The following SHANK1 variants were observed in gnomAD, a reference collection of about 807,000 sequenced individuals.
SHANK1 encodes SH3 and multiple ankyrin repeat domains protein 1.
SHANK1 carries 35 observed loss-of-function variants against 165.6 expected under a neutral mutation model. The observed-to-expected ratio is 0.21, with a 90% CI of 0.16 to 0.28. The LOEUF (loss-of-function observed/expected upper bound fraction) is 0.28, where lower values mean the gene tolerates loss of function less well. Among genes scored for constraint, SHANK1 ranks in the 10% least tolerant of loss-of-function variants. The probability of loss-of-function intolerance (pLI) is 1.00; values close to 1 mark genes in which losing one functional copy is unlikely to be tolerated. For synonymous variants in SHANK1, 1,428 were observed against 1,384.8 expected, an observed-to-expected ratio of 1.03 and a Z score of -0.69; for missense variants, 2,681 against 3,036.4, an observed-to-expected ratio of 0.88 and a Z score of 2.75.
At chr19:50,694,265 A>G (rs1043880961) in intron 15 of SHANK1, among the ~76,000 whole-genome samples, 2 of 151,492 alleles carry the variant, frequency 1.3e-5, no homozygotes, top group African/African-American at 4.9e-5. Flanking sequence ...TGACACACGC[A>G]CCGTCGCACA....
Position 50,667,836 on chromosome 19 carries a change from TG to T in SHANK1, c.4123del (p.Gln1375SerfsTer99). The T allele has an allele frequency of 7.7e-7, 1 of 1,292,786 alleles. No homozygotes were observed. The highest frequency in any genetic ancestry group is 9.8e-7 in the Non-Finnish European group (1 of 1,024,430). 80.1% of individuals were successfully genotyped at this position (1,292,786 alleles called of 1,614,324 possible). On this transcript the variant is annotated frameshift_variant, in exon 23 of 24. Coordinates refer to ENST00000293441, the MANE Select transcript of SHANK1 (RefSeq NM_016148.5). LOFTEE classifies it high-confidence loss of function. This position sits in a 1 kb window ranked among gnomAD's most constrained non-coding sequence, Gnocchi z 5.7. ...GGGCGATGGGGGCCTGGGAGGCGGCTGGGGGGCCCCGCCGCCCTCCGAGGAC... is the reference window on the plus strand; with the variant it reads ...GGGCGATGGGGGCCTGGGAGGCGGCTGGGGGCCCCGCCGCCCTCCGAGGAC... ...KESSEGGGAP[Q>X]PPPRPPSPRY...
chr19:50,667,396 T>G lies in SHANK1; in HGVS notation c.4564A>C (p.Ser1522Arg). Residue 1522 changes from serine to arginine, a missense_variant, in exon 23 of 24, where the codon AGC becomes CGC. Transcript: ENST00000293441. The surrounding 1 kb of genome is among the most constrained non-coding windows in gnomAD (Gnocchi z 5.7). ...SEDGPGVPPP[S>R]PRRSVPPSPT... Reference sequence around the variant, plus strand: ...GAGGGGGGCACGGACCGGCGTGGGCTGGGCGGCGGGACCCCCGGCCCGTCC... The same window carrying G: ...GAGGGGGGCACGGACCGGCGTGGGCGGGGCGGCGGGACCCCCGGCCCGTCC... The G allele has an allele frequency of 6.6e-7, 1 of 1,520,284 alleles. No individual in the cohort carries two copies. Among genetic ancestry groups the G allele is most frequent in the South Asian group, 1.3e-5 (1 of 78,898 alleles). 94.2% of individuals were successfully genotyped at this position (1,520,284 alleles called of 1,614,324 possible).
At position 50,705,155 on chromosome 19, in the gene SHANK1, A is replaced by G. The variant is rs1244493627; in HGVS notation, c.1078-641T>C. 2.0e-5 allele frequency among the ~76,000 whole-genome samples: 3 copies of G among 151,038 alleles called. No homozygotes were observed. The East Asian group carries it at 6.0e-4, about 30-fold the overall frequency. ...CAGGTATTTGAGCCCAGCCTGGCCA[A>G]CATGGTGAAACCCCGTCTCTATCAG... is the stretch of plus-strand genomic sequence containing the variant. On this transcript the variant is annotated intron_variant, in intron 8 of 23. Transcript: ENST00000293441.
At position 50,702,156 on chromosome 19, in the gene SHANK1, C is replaced by T. The variant is rs913798597; in HGVS notation, c.1747+311G>A. Among the ~76,000 whole-genome samples the T allele has an allele frequency of 1.7e-5, 2 of 116,706 alleles. No homozygotes were observed. Among genetic ancestry groups the T allele is most frequent in the African/African-American group, 6.7e-5 (2 of 29,740 alleles). The allele number at this position is 116,706 out of a possible 152,430, so 76.6% of individuals were successfully genotyped here. Reference sequence around the variant, plus strand: ...GTTCCTTCAACCATGCAATGGGGCCCATGACCTCCCTCCCCAGAAAGGGCC... The same window carrying T: ...GTTCCTTCAACCATGCAATGGGGCCTATGACCTCCCTCCCCAGAAAGGGCC... On this transcript the variant is annotated intron_variant, in intron 12 of 23. Coordinates refer to ENST00000293441, the MANE Select transcript of SHANK1 (RefSeq NM_016148.5). The surrounding 1 kb of genome is among the most constrained non-coding windows in gnomAD (Gnocchi z 5.3).
chr19:50,705,686 C>G (rs956933921), intron 8 of SHANK1, among the ~76,000 whole-genome samples: 1 of 152,134 alleles, frequency 6.6e-6, no homozygotes, highest in Non-Finnish European at 1.5e-5. Flanking sequence ...GCCAAGTGTC[C>G]CCTGGGAGAC....
rs1986779607 is a variant in SHANK1 at position 50,697,505 on chromosome 19, A to G, written c.1937+84T>C. On this transcript the variant is annotated intron_variant, in intron 14 of 23. Coordinates refer to ENST00000293441, the MANE Select transcript of SHANK1 (RefSeq NM_016148.5). The surrounding 1 kb of genome is among the most constrained non-coding windows in gnomAD (Gnocchi z 4.7). ...AAGGAACAGATTAGAAAGGGGGCTT[A>G]GAGGTGATGGAAATATTTAAAGGTG... The G allele has an allele frequency of 9.5e-7, 1 of 1,057,890 alleles. No individual in the cohort carries two copies. The highest frequency in any genetic ancestry group is 1.5e-6 in the Non-Finnish European group (1 of 673,532). The allele number at this position is 1,057,890 out of a possible 1,614,324, so 65.5% of individuals were successfully genotyped here. A position where few individuals can be genotyped will look rare whatever the true frequency, so the allele number is the denominator to read the frequency against.
chr19:50,679,552 GC>G (rs1418984272), intron 21 of SHANK1, among the ~76,000 whole-genome samples: 2 of 152,134 alleles, frequency 1.3e-5, no homozygotes, highest in Admixed American at 1.3e-4. Context: ...ATCAGAGTGC[GC>G]AGCCTTGCAT....
In SHANK1 at chr19:50,668,252, C is replaced by T. The variant is rs1370917014; in HGVS notation, c.3708G>A (p.Leu1236=). 7.0e-7 allele frequency: 1 copy of T among 1,436,034 alleles called. No homozygotes were observed. Among genetic ancestry groups the T allele is most frequent in the African/African-American group, 1.5e-5 (1 of 66,970 alleles). The allele number at this position is 1,436,034 out of a possible 1,614,324, so 89.0% of individuals were successfully genotyped here. ...LDFTSQFGAA[L]VGAARREGGW... ...CCCCCTCCCTCCGGGCCGCCCCCAC[C>T]AGGGCGGCCCCGAACTGGCTCGTGA... The change falls in exon 23 of 24, where the codon CTG becomes CTA. Residue 1236 remains leucine (L), a synonymous_variant. Transcript: ENST00000293441.
chr19:50,711,323 C>T lies in SHANK1; in HGVS notation c.1077+48G>A, dbSNP rs528792290. The T allele has an allele frequency of 1.2e-5, 16 of 1,319,072 alleles. No homozygotes were observed. In the Admixed American group the frequency reaches 1.4e-4, roughly 11 times the overall value. The allele number at this position is 1,319,072 out of a possible 1,614,324, so 81.7% of individuals were successfully genotyped here. A position where few individuals can be genotyped will look rare whatever the true frequency, so the allele number is the denominator to read the frequency against. On this transcript the variant is annotated intron_variant, in intron 8 of 23. Transcript: ENST00000293441. ...TGTCTGAGCTTGGCCCTGGGGGAGG[C>T]GGCTATCGGGGATGTGAGGGGCCTG...
chr19:50,671,542 G>A (rs1484615598), intron 22 of SHANK1, among the ~76,000 whole-genome samples: 1 of 150,634 alleles, frequency 6.6e-6, no homozygotes, highest in Non-Finnish European at 1.5e-5. Context: ...TAATTTTCTT[G>A]CTTATTTTCC....
rs1167332531 is a variant in SHANK1, at chr19:50,660,033, GC to G, written c.*1931del. The stretch of plus-strand genomic sequence containing the variant: ...AGCCCCCTCCCCTCATGGACGGAGC[GC>G]CCCCCCCTCTCGGGGGTAGGGGGCA... On this transcript the variant is annotated 3_prime_UTR_variant, in exon 24 of 24. Transcript: ENST00000293441. 2.5e-4 allele frequency among the ~76,000 whole-genome samples: 37 copies of G among 149,226 alleles called. No individual in the cohort carries two copies. Among genetic ancestry groups the G allele is most frequent in the East Asian group, 2.4e-3 (12 of 4,986 alleles).
chr19:50,689,301 TGGG>T, intron 15 of SHANK1, 22 bp from the exon 16 acceptor site: 15 of 756,078 alleles, frequency 2.0e-5, no homozygotes, highest in African/African-American at 2.6e-5. Context: ...GCAGGAGAAA[TGGG>T]GGGGTGGTGG....
rs112118799 is a variant in SHANK1 at position 50,690,159 on chromosome 19, A to G, written c.1965-880T>C. ...TCCCTGGTGCATCTCAAATGGAGCTACTGCATGCAGTCAGCATATTCTATT... is the reference window on the plus strand; with the variant it reads ...TCCCTGGTGCATCTCAAATGGAGCTGCTGCATGCAGTCAGCATATTCTATT... On this transcript the variant is annotated intron_variant, in intron 15 of 23. Transcript: ENST00000293441. The surrounding 1 kb of genome is among the most constrained non-coding windows in gnomAD (Gnocchi z 4.9). 2.6e-5 allele frequency among the ~76,000 whole-genome samples: 4 copies of G among 152,144 alleles called. No homozygotes were observed. In the East Asian group the frequency reaches 5.8e-4, roughly 22 times the overall value.
chr19:50,666,764 C>G lies in SHANK1; in HGVS notation c.5196G>C (p.Leu1732=). ...TGCTGCCCCCAAAGGCCTGGCCGTC[C>G]AGGTAGGCCACATAGGTGTCCAGAA... The part of the protein sequence containing the change: ...PELLDTYVAY[L]DGQAFGGSST... The change falls in exon 23 of 24, where the codon CTG becomes CTC. Residue 1732 remains leucine (L), a synonymous_variant. Coordinates refer to ENST00000293441, the MANE Select transcript of SHANK1 (RefSeq NM_016148.5). 1 of 1,555,986 alleles carries G rather than the reference C, an allele frequency of 6.4e-7. No homozygotes were observed. Among genetic ancestry groups the G allele is most frequent in the Non-Finnish European group, 8.7e-7 (1 of 1,150,986 alleles).
chr19:50,702,583 C>T lies in SHANK1; in HGVS notation c.1631G>A (p.Arg544His), dbSNP rs771160741. 60 of 1,608,648 alleles carry T rather than the reference C, an allele frequency of 3.7e-5. No individual in the cohort carries two copies. The highest frequency in any genetic ancestry group is 1.3e-4 in the Admixed American group (8 of 59,540). ...SGGPGGSLGS[R>H]GRRRKLYSAV... ...TGAGTAGAGCTTCCTCCGCCTCCCG[C>T]GGCTGCCCAGGGAGCCCCCGGGGCC... The change falls in exon 12 of 24, where the codon CGC (arginine) becomes CAC (histidine). Residue 544 changes from arginine to histidine, a missense_variant. Physicochemically the swap from Arg to His is conservative, Grantham distance 29. Coordinates refer to ENST00000293441, the MANE Select transcript of SHANK1 (RefSeq NM_016148.5). This position sits in a 1 kb window ranked among gnomAD's most constrained non-coding sequence, Gnocchi z 5.3.
At chr19:50,682,345 C>T (rs897847735) in intron 21 of SHANK1, among the ~76,000 whole-genome samples, 10 of 152,262 alleles carry the variant, frequency 6.6e-5, no homozygotes, top group Non-Finnish European at 1.5e-4. Context: ...TGTGCCACTG[C>T]GCCCGGCCCA....
At position 50,717,937 on chromosome 19, in the gene SHANK1, T is replaced by C. The variant is rs1376298972; in HGVS notation, c.-43-975A>G. On this transcript the variant is annotated intron_variant, in intron 1 of 23. Coordinates refer to ENST00000293441, the MANE Select transcript of SHANK1 (RefSeq NM_016148.5). This position sits in a 1 kb window ranked among gnomAD's most constrained non-coding sequence, Gnocchi z 5.5. ...CTTGCTGTTCTCCCTTGAGGTGGCC[T>C]TATGAGGGTGGAGCCCCTTCCAAAT... Among the ~76,000 whole-genome samples, 1 of 151,970 alleles carries C rather than the reference T, an allele frequency of 6.6e-6. No individual in the cohort carries two copies. Among genetic ancestry groups the C allele is most frequent in the Non-Finnish European group, 1.5e-5 (1 of 67,956 alleles).
In SHANK1 at chr19:50,690,795, G is replaced by A. The variant is rs913560759; in HGVS notation, c.1965-1516C>T. On this transcript the variant is annotated intron_variant, in intron 15 of 23. Coordinates refer to ENST00000293441, the MANE Select transcript of SHANK1 (RefSeq NM_016148.5). This position sits in a 1 kb window ranked among gnomAD's most constrained non-coding sequence, Gnocchi z 4.9. Reference sequence around the variant, plus strand: ...GGATCTCAGTGTATTCCCATAACACGCCCTCTGAACACATACATCCCAGCA... The same window carrying A: ...GGATCTCAGTGTATTCCCATAACACACCCTCTGAACACATACATCCCAGCA... Among the ~76,000 whole-genome samples the A allele has an allele frequency of 1.3e-5, 2 of 151,748 alleles. No homozygotes were observed. Among genetic ancestry groups the A allele is most frequent in the East Asian group, 1.9e-4 (1 of 5,182 alleles).
rs752850901 is a variant in SHANK1, at chr19:50,697,632, G to A, written c.1894C>T (p.Arg632Trp). Reference sequence around the variant, plus strand: ...TCGTAGGAGCCCACGGTATAATGCCGGAAGAGTCTCTTTGCCTTGTCACTG... The same window carrying A: ...TCGTAGGAGCCCACGGTATAATGCCAGAAGAGTCTCTTTGCCTTGTCACTG... The part of the protein sequence containing the change: ...SRSDKAKRLF[R>W]HYTVGSYDSF... Residue 632 changes from arginine to tryptophan, a missense_variant, in exon 14 of 24, where the codon CGG becomes TGG. Arg to Trp is a moderately radical substitution (Grantham distance 101, BLOSUM62 -3). Around this residue, in one of 10 missense-constraint regions of SHANK1, gnomAD observed 147 missense variants for 256.5 expected, o/e 0.57. Transcript: ENST00000293441. This position sits in a 1 kb window ranked among gnomAD's most constrained non-coding sequence, Gnocchi z 4.7. 1 of 1,614,006 alleles carries A rather than the reference G, an allele frequency of 6.2e-7. No individual in the cohort carries two copies. Among genetic ancestry groups the A allele is most frequent in the East Asian group, 2.2e-5 (1 of 44,880 alleles).
Sources: allele counts gnomAD v4.1 joint callset (sites outside exome capture counted in the v4.1 genomes callset), GRCh38; gene constraint gnomAD v4.1.1; regional missense constraint gnomAD v4.1.1; non-coding constraint Gnocchi (gnomAD v3.1); transcripts MANE v1.5; gene names NCBI Gene and HGNC (gene_info 2026-07-23, HGNC 2026-07-21).